The following PCSK2 variants were observed in gnomAD, a reference collection of about 807,000 sequenced individuals.
PCSK2 encodes proprotein convertase subtilisin/kexin type 2.
Under a neutral mutation model 69.7 loss-of-function variants are expected in PCSK2, and 14 were observed. The observed-to-expected ratio is 0.20, with a 90% CI of 0.13 to 0.31. The LOEUF is 0.31. Among genes scored for constraint, PCSK2 ranks in the 10% least tolerant of loss-of-function variants. The probability of loss-of-function intolerance (pLI) is 1.00; values close to 1 mark genes in which losing one functional copy is unlikely to be tolerated. For missense variants in PCSK2, 544 were observed against 842.5 expected, an observed-to-expected ratio of 0.65 and a Z score of 4.39; for synonymous variants, 307 against 320.7, an observed-to-expected ratio of 0.96 and a Z score of 0.46.
chr20:17,357,761 G>T (rs1357612076), intron 2 of PCSK2, among the ~76,000 whole-genome samples: 2 of 152,118 alleles, frequency 1.3e-5, no homozygotes, highest in Non-Finnish European at 2.9e-5. Flanking sequence ...GGGTGTGGTG[G>T]CACATGCCTG....
intron 2 of PCSK2, among the ~76,000 whole-genome samples, chr20:17,318,395 C>T (rs571331398): frequency 2.3e-4 from 35 of 152,124 alleles, no homozygotes; most frequent in African/African-American, 6.5e-4. Flanking sequence ...GTTGTCATCA[C>T]GTTTTTCATT....
At chr20:17,266,705 G>A (rs977293869) in intron 2 of PCSK2, among the ~76,000 whole-genome samples, 1 of 152,104 alleles carries the variant, frequency 6.6e-6, no homozygotes, top group Non-Finnish European at 1.5e-5. Context: ...CTTTCAACAG[G>A]GGCCTCAGTC....
chr20:17,278,156 G>C (rs1261187210), intron 2 of PCSK2, among the ~76,000 whole-genome samples: 2 of 152,336 alleles, frequency 1.3e-5, no homozygotes, highest in East Asian at 3.9e-4. Context: ...GTGGAAGTCA[G>C]TGTGGCAATT....
At chr20:17,360,761 A>C (rs2030365299) in intron 4 of PCSK2, 121 bp downstream of exon 4, 9 of 659,500 alleles carry the variant, frequency 1.4e-5, no homozygotes, top group Non-Finnish European at 2.0e-5. Flanking sequence ...ACTGGGCATG[A>C]TGGCCACACT....
intron 4 of PCSK2, among the ~76,000 whole-genome samples, chr20:17,361,933 G>A (rs2030410172): frequency 6.6e-6 from 1 of 152,146 alleles, no homozygotes; most frequent in Non-Finnish European, 1.5e-5. Context: ...GCTCACCCAG[G>A]AAAACAATGC....
chr20:17,403,347 G>A (rs961076799), intron 5 of PCSK2, among the ~76,000 whole-genome samples: 7 of 152,138 alleles, frequency 4.6e-5, no homozygotes, highest in Non-Finnish European at 7.4e-5. Flanking sequence ...AAAAGTGAGC[G>A]GAACATTATC....
chr20:17,360,773 C>T (rs1301545749), intron 4 of PCSK2, 133 bp downstream of exon 4: 1 of 612,270 alleles, frequency 1.6e-6, no homozygotes, highest in Non-Finnish European at 3.0e-6. Context: ...GGCCACACTG[C>T]ACTGTGCCCA....
At chr20:17,410,998 C>A (rs2031859569) in intron 6 of PCSK2, among the ~76,000 whole-genome samples, 1 of 152,126 alleles carries the variant, frequency 6.6e-6, no homozygotes, top group African/African-American at 2.4e-5. Context: ...AAAAATATAA[C>A]CAATGGAAAG....
intron 4 of PCSK2, among the ~76,000 whole-genome samples, chr20:17,364,601 G>C (rs1244371599): frequency 6.6e-6 from 1 of 152,130 alleles, no homozygotes; most frequent in Non-Finnish European, 1.5e-5. Context: ...AAAACAGTAT[G>C]GGGGAACCCA....
At chr20:17,409,774 A>C (rs1249498967) in intron 6 of PCSK2, among the ~76,000 whole-genome samples, 1 of 152,178 alleles carries the variant, frequency 6.6e-6, no homozygotes, top group Non-Finnish European at 1.5e-5. Flanking sequence ...AGTCCCTTTC[A>C]ACAAAACAGT....
chr20:17,372,315 G>A (rs1285849753), intron 5 of PCSK2, among the ~76,000 whole-genome samples: 3 of 151,828 alleles, frequency 2.0e-5, no homozygotes. Flanking sequence ...GGAGGCGGAG[G>A]TTGCAGTGAG....
At chr20:17,303,675 C>G (rs1989233031) in intron 2 of PCSK2, among the ~76,000 whole-genome samples, 2 of 145,752 alleles carry the variant, frequency 1.4e-5, no homozygotes, top group African/African-American at 2.5e-5. Flanking sequence ...CTCCCGAGTT[C>G]AAGAGATTCT....
intron 8 of PCSK2, among the ~76,000 whole-genome samples, chr20:17,437,992 C>CT (rs1555795696): frequency 1.3e-5 from 2 of 151,308 alleles, no homozygotes; most frequent in African/African-American, 2.4e-5. Context: ...AGTTCCCCCC[C>CT]ACCCACACCG....
chr20:17,430,152 GC>G (rs1473378303), intron 7 of PCSK2, among the ~76,000 whole-genome samples: 3 of 152,124 alleles, frequency 2.0e-5, no homozygotes, highest in African/African-American at 7.2e-5. Context: ...TATTGATGGA[GC>G]CTTTAGAAAT....
At chr20:17,258,797 T>TG (rs1555782145) in intron 1 of PCSK2, among the ~76,000 whole-genome samples, 3 of 151,146 alleles carry the variant, frequency 2.0e-5, no homozygotes, top group African/African-American at 7.3e-5. Flanking sequence ...TGTGTGTGTG[T>TG]TTAAGCAAGG....
intron 5 of PCSK2, among the ~76,000 whole-genome samples, chr20:17,406,642 C>A (rs1428448159): frequency 3.3e-5 from 5 of 152,198 alleles, no homozygotes; most frequent in Admixed American, 3.3e-4. Context: ...GAGTCAGGAG[C>A]AGAGCCAACA....
intron 1 of PCSK2, among the ~76,000 whole-genome samples, chr20:17,235,598 TG>T (rs1986310382): frequency 6.6e-6 from 1 of 152,144 alleles, no homozygotes; most frequent in Admixed American, 6.5e-5. Context: ...AGTTTTGACC[TG>T]GAATATTTGG....
intron 2 of PCSK2, among the ~76,000 whole-genome samples, chr20:17,276,647 T>A (rs1374380015): frequency 1.3e-5 from 2 of 152,090 alleles, no homozygotes; most frequent in Non-Finnish European, 2.9e-5. Context: ...TGTTTCCCTG[T>A]AGTTAATAAT....
At chr20:17,463,931 C>T (rs576843625) in intron 10 of PCSK2, 18 of 152,278 alleles carry the variant, frequency 1.2e-4, no homozygotes, top group African/African-American at 3.4e-4. Context: ...TGACCAGAAT[C>T]CTCGGTGAGT....
Sources: gnomAD v4.1 joint callset for allele counts (sites outside exome capture counted in the v4.1 genomes callset) on GRCh38, gnomAD v4.1.1 for gene constraint, MANE v1.5 for transcripts, NCBI Gene and HGNC (gene_info 2026-07-23, HGNC 2026-07-21) for gene names.